Variants in PDZRN4 observed in about 807,000 individuals in gnomAD.
The protein encoded by PDZRN4 is PDZ domain containing ring finger 4.
A neutral mutation model predicts 99.0 loss-of-function variants in PDZRN4; 70 were observed. The ratio of observed to expected loss-of-function variants is 0.71; its 90% CI spans 0.58 to 0.86. PDZRN4 has a LOEUF of 0.86. Ranked by LOEUF, PDZRN4 falls within the 40% of genes least tolerant of loss-of-function variation. PDZRN4 has a pLI of 0.00. For synonymous variants in PDZRN4, 551 were observed against 501.6 expected (o/e 1.10, Z -1.32); for missense variants, 1,474 against 1,331.2 (o/e 1.11, Z -1.67).
chr12:41,465,940 G>T (rs555712540), intron 3 of PDZRN4, among the ~76,000 whole-genome samples: 9 of 152,034 alleles, frequency 5.9e-5, no homozygotes, highest in African/African-American at 2.2e-4. Context: ...TTCATTATCA[G>T]TGTATTGTTT....
chr12:41,516,699 G>A (rs1197141068), intron 5 of PDZRN4, among the ~76,000 whole-genome samples: 4 of 151,724 alleles, frequency 2.6e-5, no homozygotes, highest in South Asian at 2.1e-4. Flanking sequence ...GGGGGTTCTG[G>A]TCTGTTAGGG....
At chr12:41,530,568 G>C (rs1346635726) in intron 5 of PDZRN4, among the ~76,000 whole-genome samples, 2 of 152,154 alleles carry the variant, frequency 1.3e-5, no homozygotes, top group Non-Finnish European at 2.9e-5. Flanking sequence ...ATTACAATGT[G>C]CTGTGAACAT....
chr12:41,531,168 G>A (rs1359320761), intron 5 of PDZRN4, among the ~76,000 whole-genome samples: 1 of 152,036 alleles, frequency 6.6e-6, no homozygotes, highest in Admixed American at 6.6e-5. Flanking sequence ...CTGAAGAATC[G>A]GATCACACCT....
intron 3 of PDZRN4, among the ~76,000 whole-genome samples, chr12:41,439,971 G>T (rs1353061978): frequency 6.6e-6 from 1 of 152,080 alleles, no homozygotes. Context: ...CATATAATAC[G>T]CTGGAGCCCC....
intron 3 of PDZRN4, among the ~76,000 whole-genome samples, chr12:41,279,403 G>C (rs972864210): frequency 9.9e-5 from 15 of 152,164 alleles, no homozygotes; most frequent in Admixed American, 2.0e-4. Context: ...GCTAAAACGT[G>C]TTGGCCCAAT....
At chr12:41,277,035 A>G (rs1951353980) in intron 3 of PDZRN4, among the ~76,000 whole-genome samples, 1 of 152,170 alleles carries the variant, frequency 6.6e-6, no homozygotes, top group Admixed American at 6.6e-5. Context: ...TCTAAATCTC[A>G]ATGTATTCTA....
chr12:41,399,178 T>C (rs1049122766), intron 3 of PDZRN4, among the ~76,000 whole-genome samples: 6 of 152,126 alleles, frequency 3.9e-5, no homozygotes, highest in Admixed American at 1.3e-4. Flanking sequence ...TTAATTATTT[T>C]TAATTATACA....
At chr12:41,231,917 G>A (rs984405489) in intron 3 of PDZRN4, among the ~76,000 whole-genome samples, 2 of 151,894 alleles carry the variant, frequency 1.3e-5, no homozygotes, top group Non-Finnish European at 2.9e-5. Flanking sequence ...AACTACCATG[G>A]CACTGTTTGT....
At chr12:41,323,663 T>C (rs1368451620) in intron 3 of PDZRN4, among the ~76,000 whole-genome samples, 3 of 151,964 alleles carry the variant, frequency 2.0e-5, no homozygotes, top group African/African-American at 4.8e-5. Context: ...ATTTATATTA[T>C]CCAAAAAGTA....
At chr12:41,244,766 G>A (rs1951123519) in intron 3 of PDZRN4, among the ~76,000 whole-genome samples, 1 of 147,018 alleles carries the variant, frequency 6.8e-6, no homozygotes, top group Non-Finnish European at 1.5e-5. Flanking sequence ...CTCACTGCAA[G>A]CTCTGCTTCC....
intron 3 of PDZRN4, among the ~76,000 whole-genome samples, chr12:41,256,897 T>A (rs1410694632): frequency 6.6e-6 from 1 of 152,198 alleles, no homozygotes; most frequent in East Asian, 1.9e-4. Flanking sequence ...CATCTCTCCA[T>A]ATTTATTGCT....
intron 5 of PDZRN4, among the ~76,000 whole-genome samples, chr12:41,551,908 C>A (rs537394531): frequency 3.9e-5 from 6 of 152,148 alleles, no homozygotes; most frequent in Non-Finnish European, 8.8e-5. Flanking sequence ...TATTATTTTA[C>A]TGAACATAAA....
At chr12:41,198,594 A>G (rs1950793973) in intron 3 of PDZRN4, among the ~76,000 whole-genome samples, 1 of 118,934 alleles carries the variant, frequency 8.4e-6, no homozygotes. Context: ...GGAACATCAC[A>G]CTCTGGGGAC....
intron 5 of PDZRN4, among the ~76,000 whole-genome samples, chr12:41,513,482 T>C (rs1297664067): frequency 6.6e-6 from 1 of 152,070 alleles, no homozygotes; most frequent in Non-Finnish European, 1.5e-5. Context: ...TGTTCTCTAA[T>C]TAAAAATGAT....
chr12:41,335,119 T>A (rs1440554881), intron 3 of PDZRN4, among the ~76,000 whole-genome samples: 1 of 152,132 alleles, frequency 6.6e-6, no homozygotes, highest in Non-Finnish European at 1.5e-5. Context: ...CTACTGTTCA[T>A]GCAATATTCT....
At chr12:41,384,897 G>T (rs951317846) in intron 3 of PDZRN4, among the ~76,000 whole-genome samples, 1 of 152,146 alleles carries the variant, frequency 6.6e-6, no homozygotes, top group African/African-American at 2.4e-5. Flanking sequence ...ATCCTGCCTG[G>T]TACTTGGCAG....
intron 3 of PDZRN4, chr12:41,477,861 T>TC: frequency 6.5e-7 from 1 of 1,537,914 alleles, no homozygotes; most frequent in Non-Finnish European, 8.8e-7. Context: ...CTTGCATTTT[T>TC]CAGGTAAGAG....
Position 41,374,661 on chromosome 12 carries a change from A to T in PDZRN4, c.844-131795A>T, listed in dbSNP as rs1190099176. On this transcript the variant is annotated intron_variant, in intron 3 of 9. Transcript: ENST00000402685. ...TTGAAATTAAGCATGAATGGAGGGG[A>T]TAAATTGAAGGCTGCCTCTGAGGTT... 2.0e-5 allele frequency among the ~76,000 whole-genome samples: 3 copies of T among 152,318 alleles called. No individual in the cohort carries two copies. In the South Asian group the frequency reaches 6.2e-4, roughly 32 times the overall value.
At chr12:41,231,481 T>A (rs1045129238) in intron 3 of PDZRN4, among the ~76,000 whole-genome samples, 2 of 152,048 alleles carry the variant, frequency 1.3e-5, no homozygotes, top group Non-Finnish European at 2.9e-5. Context: ...ACTCCCATGT[T>A]GTTAGAGTGA....
Sources: allele counts gnomAD v4.1 joint callset (sites outside exome capture counted in the v4.1 genomes callset), GRCh38; gene constraint gnomAD v4.1.1; transcripts MANE v1.5; gene names NCBI Gene and HGNC (gene_info 2026-07-23, HGNC 2026-07-21).